Variants in ABCC1 observed in about 807,000 individuals in gnomAD.
ABCC1 encodes multidrug resistance-associated protein 1.
ABCC1 carries 83 observed loss-of-function variants against 172.9 expected under a neutral mutation model. The ratio of observed to expected loss-of-function variants is 0.48; its 90% CI spans 0.40 to 0.58. ABCC1 has a LOEUF of 0.58. Ranked by LOEUF, ABCC1 falls within the 20% of genes least tolerant of loss-of-function variation. The probability of loss-of-function intolerance (pLI) is 0.00; values close to 1 mark genes in which losing one functional copy is unlikely to be tolerated. For missense variants in ABCC1, 1,817 were observed against 2,002.7 expected (o/e 0.91, Z 1.77); for synonymous variants, 937 against 825.2 (o/e 1.14, Z -2.32).
At chr16:16,107,957 G>A (rs1363379397) in intron 21 of ABCC1, among the ~76,000 whole-genome samples, 2 of 151,574 alleles carry the variant, frequency 1.3e-5, no homozygotes, top group South Asian at 2.1e-4. Flanking sequence ...AGATCTGCCC[G>A]GATGTGTCCA....
At chr16:16,103,927 C>T (rs970994935) in intron 20 of ABCC1, among the ~76,000 whole-genome samples, 1 of 152,152 alleles carries the variant, frequency 6.6e-6, no homozygotes, top group African/African-American at 2.4e-5. Context: ...TTTGTTCCTT[C>T]TGCTGTTCGG....
At chr16:16,060,891 A>G (rs2049880586) in intron 12 of ABCC1, among the ~76,000 whole-genome samples, 1 of 151,758 alleles carries the variant, frequency 6.6e-6, no homozygotes, top group African/African-American at 2.4e-5. Flanking sequence ...ATCTCAGCTC[A>G]CTGCAATCTC....
intron 1 of ABCC1, 147 bp downstream of exon 1, chr16:15,949,946 C>T (rs901898913): frequency 9.4e-6 from 6 of 641,018 alleles, no homozygotes; most frequent in Non-Finnish European, 1.0e-5. Flanking sequence ...GCCCGCGGCC[C>T]AGCCCCTTTC....
At chr16:16,108,273 C>CTTTTTTTTTTT (rs79826916) in intron 21 of ABCC1, among the ~76,000 whole-genome samples, 1 of 106,336 alleles carries the variant, frequency 9.4e-6, no homozygotes, top group Non-Finnish European at 1.9e-5. Context: ...TTCTTTGTGT[C>CTTTTTTTTTTT]TTTTTTTTTT....
intron 1 of ABCC1, among the ~76,000 whole-genome samples, chr16:15,959,126 G>C (rs754186964): frequency 6.6e-6 from 1 of 152,202 alleles, no homozygotes; most frequent in Non-Finnish European, 1.5e-5. Context: ...CGAAATTCTA[G>C]TGTAATTGGC....
chr16:16,033,639 C>A (rs1238497962), intron 6 of ABCC1, among the ~76,000 whole-genome samples: 1 of 151,982 alleles, frequency 6.6e-6, no homozygotes, highest in African/African-American at 2.4e-5. Context: ...AGTATGCCTT[C>A]TTCTGGTCGT....
intron 28 of ABCC1, among the ~76,000 whole-genome samples, chr16:16,135,455 CTTTTCTTTT>C (rs1468162372): frequency 1.3e-5 from 2 of 151,218 alleles, no homozygotes; most frequent in Admixed American, 6.6e-5. Context: ...TTTTCTTTCT[CTTTTCTTTT>C]TTTTCTTTTT....
chr16:16,062,687 G>A (rs2049967427), intron 12 of ABCC1, among the ~76,000 whole-genome samples: 1 of 152,182 alleles, frequency 6.6e-6, no homozygotes, highest in Non-Finnish European at 1.5e-5. Context: ...AAAATATGTG[G>A]CCTTTAGTTC....
At chr16:16,130,078 C>T (rs1018742287) in intron 26 of ABCC1, among the ~76,000 whole-genome samples, 1 of 152,236 alleles carries the variant, frequency 6.6e-6, no homozygotes, top group Non-Finnish European at 1.5e-5. Flanking sequence ...AACTACTTTT[C>T]AAAAGGAGGG....
chr16:16,120,016 T>G (rs930419414), intron 23 of ABCC1, among the ~76,000 whole-genome samples: 1 of 152,062 alleles, frequency 6.6e-6, no homozygotes, highest in African/African-American at 2.4e-5. Context: ...CGTGGGGTTG[T>G]GCGGTACCTG....
intron 1 of ABCC1, among the ~76,000 whole-genome samples, chr16:15,955,328 A>C (rs1023264535): frequency 6.6e-6 from 1 of 152,164 alleles, no homozygotes; most frequent in African/African-American, 2.4e-5. Context: ...ACTGCGCTCC[A>C]GCCTGGGTGA....
chr16:16,136,991 G>A (rs1381595368), intron 29 of ABCC1, among the ~76,000 whole-genome samples: 1 of 152,158 alleles, frequency 6.6e-6, no homozygotes, highest in African/African-American at 2.4e-5. Flanking sequence ...CACTACCCCA[G>A]CTGTCTTGGT....
intron 5 of ABCC1, among the ~76,000 whole-genome samples, chr16:16,031,440 G>T (rs984971803): frequency 6.6e-6 from 1 of 152,118 alleles, no homozygotes; most frequent in Non-Finnish European, 1.5e-5. Flanking sequence ...TTGTTGACTT[G>T]GGGCTCATCT....
In ABCC1 at chr16:15,979,437, G is replaced by A. The variant is rs1035626287; in HGVS notation, c.49-28379G>A. 2.0e-5 allele frequency among the ~76,000 whole-genome samples: 3 copies of A among 152,170 alleles called. No individual in the cohort carries two copies. In the South Asian group the frequency reaches 6.2e-4, roughly 31 times the overall value. On this transcript the variant is annotated intron_variant, in intron 1 of 30. Coordinates refer to ENST00000399410, the MANE Select transcript of ABCC1 (RefSeq NM_004996.4). Reference sequence around the variant, plus strand: ...TTTGAGGAGGGTGTTAGGTGCTAAAGGCAGCACGTGTAAGGTGAAAATTGC... The same window carrying A: ...TTTGAGGAGGGTGTTAGGTGCTAAAAGCAGCACGTGTAAGGTGAAAATTGC...
intron 1 of ABCC1, among the ~76,000 whole-genome samples, chr16:15,974,752 G>C (rs1187630159): frequency 1.3e-5 from 2 of 152,150 alleles, no homozygotes; most frequent in Non-Finnish European, 2.9e-5. Flanking sequence ...CAGAGTCTTA[G>C]AATCAATGCA....
At chr16:16,094,389 C>T (rs1335546739) in intron 19 of ABCC1, 1 of 218,730 alleles carries the variant, frequency 4.6e-6, no homozygotes, top group Non-Finnish European at 9.5e-6. Context: ...GGTACATCTA[C>T]CAACTCCACC....
intron 21 of ABCC1, 48 bp from the exon 22 acceptor site, chr16:16,111,327 G>GCTGGGA (rs767842399): frequency 9.0e-6 from 14 of 1,554,266 alleles, no homozygotes; most frequent in Admixed American, 3.3e-5. Flanking sequence ...TGGGGCTGGG[G>GCTGGGA]CTGGGTGCGT....
chr16:15,949,495 C>T (rs1203830388), upstream of ABCC1: 2 of 139,626 alleles, frequency 1.4e-5, no homozygotes, highest in African/African-American at 5.2e-5. Context: ...CGGCTGCCCA[C>T]GCCGAGACGC....
chr16:16,088,999 G>C (rs1303548191), intron 18 of ABCC1, among the ~76,000 whole-genome samples: 1 of 152,126 alleles, frequency 6.6e-6, no homozygotes, highest in Non-Finnish European at 1.5e-5. Flanking sequence ...GTGAGCCACC[G>C]CACGTGTCCT....
Sources: allele counts gnomAD v4.1 joint callset (sites outside exome capture counted in the v4.1 genomes callset), GRCh38; gene constraint gnomAD v4.1.1; transcripts MANE v1.5; gene names NCBI Gene and HGNC (gene_info 2026-07-23, HGNC 2026-07-21).